NALF1: variants seen among roughly 807,000 people sequenced by gnomAD.
NALF1 encodes family with sequence similarity 155 member A.
Under a neutral mutation model 48.4 loss-of-function variants are expected in NALF1, and 3 were observed. The ratio of observed to expected loss-of-function variants is 0.06; its 90% CI spans 0.03 to 0.16. The LOEUF (loss-of-function observed/expected upper bound fraction) is 0.16. Among genes scored for constraint, NALF1 ranks in the 10% least tolerant of loss-of-function variants. NALF1 has a pLI of 1.00. For missense variants in NALF1, 526 were observed against 571.5 expected, an observed-to-expected ratio of 0.92 and a Z score of 0.81; for synonymous variants, 262 against 245.7, an observed-to-expected ratio of 1.07 and a Z score of -0.62.
chr13:107,370,164 T>C (rs1218530228), intron 1 of NALF1, among the ~76,000 whole-genome samples: 1 of 152,172 alleles, frequency 6.6e-6, no homozygotes, highest in Non-Finnish European at 1.5e-5. Flanking sequence ...TTTCATATTC[T>C]GCATTCCAAA....
At chr13:107,372,930 T>A (rs886295902) in intron 1 of NALF1, among the ~76,000 whole-genome samples, 3 of 150,894 alleles carry the variant, frequency 2.0e-5, no homozygotes, top group Admixed American at 6.7e-5. Flanking sequence ...CAAATACAAC[T>A]GAATCGGACC....
intron 1 of NALF1, among the ~76,000 whole-genome samples, chr13:107,276,928 T>C (rs1881293086): frequency 6.6e-6 from 1 of 152,152 alleles, no homozygotes; most frequent in Admixed American, 6.5e-5. Context: ...AAGTCTATTT[T>C]CATTAAAAAC....
intron 1 of NALF1, among the ~76,000 whole-genome samples, chr13:107,303,820 T>A (rs1298951267): frequency 6.6e-6 from 1 of 151,554 alleles, no homozygotes; most frequent in Non-Finnish European, 1.5e-5. Context: ...GCAGACTGAG[T>A]TTTTTTTTCT....
At chr13:107,663,251 AG>A (rs1391697587) in intron 1 of NALF1, among the ~76,000 whole-genome samples, 1 of 152,230 alleles carries the variant, frequency 6.6e-6, no homozygotes, top group African/African-American at 2.4e-5. Context: ...TTTTCATAAC[AG>A]CACATAAAAT....
chr13:107,482,317 CT>C (rs1885266415), intron 1 of NALF1, among the ~76,000 whole-genome samples: 1 of 152,062 alleles, frequency 6.6e-6, no homozygotes, highest in South Asian at 2.1e-4. Flanking sequence ...TGAGCCAATT[CT>C]TTACAACAAA....
intron 1 of NALF1, among the ~76,000 whole-genome samples, chr13:107,284,370 C>G (rs571437018): frequency 5.3e-5 from 8 of 151,952 alleles, no homozygotes; most frequent in Non-Finnish European, 1.2e-4. Context: ...CAAAACAAAA[C>G]AAATTGACAG....
At chr13:107,520,817 C>T (rs1358596507) in intron 1 of NALF1, among the ~76,000 whole-genome samples, 2 of 152,204 alleles carry the variant, frequency 1.3e-5, no homozygotes, top group Admixed American at 1.3e-4. Flanking sequence ...TATTTTTCAA[C>T]ACATGGGGTA....
chr13:107,351,956 T>C (rs1882884663), intron 1 of NALF1, among the ~76,000 whole-genome samples: 1 of 152,158 alleles, frequency 6.6e-6, no homozygotes, highest in South Asian at 2.1e-4. Flanking sequence ...GCTAAACACA[T>C]TGGCTAAGTA....
At position 107,688,999 on chromosome 13, in the gene NALF1, C is replaced by T. The variant is rs143873835; in HGVS notation, c.915+176683G>A. 5.8e-4 allele frequency among the ~76,000 whole-genome samples: 89 copies of T among 152,298 alleles called. No homozygotes were observed. The East Asian group carries it at 0.014, about 24-fold the overall frequency. Reference sequence around the variant, plus strand: ...AAATGGTGTCGAAGGACAAATGGCACGGAACAAAGAGACCCAGCTCCAGGA... The same window carrying T: ...AAATGGTGTCGAAGGACAAATGGCATGGAACAAAGAGACCCAGCTCCAGGA... On this transcript the variant is annotated intron_variant, in intron 1 of 2. Coordinates refer to ENST00000375915, the MANE Select transcript of NALF1 (RefSeq NM_001080396.3).
At chr13:107,221,227 T>G (rs12866184) in intron 1 of NALF1, among the ~76,000 whole-genome samples, 53,378 of 151,912 alleles carry the variant, frequency 0.35, 10,359 homozygotes, top group East Asian at 0.58. Flanking sequence ...GACTTCACCA[T>G]TATACAACTC....
intron 1 of NALF1, among the ~76,000 whole-genome samples, chr13:107,417,110 G>C (rs989806204): frequency 2.0e-5 from 3 of 152,192 alleles, no homozygotes; most frequent in African/African-American, 7.2e-5. Context: ...GTGGATCTGG[G>C]ACACAATGCA....
At chr13:107,366,527 C>T (rs773884292) in intron 1 of NALF1, among the ~76,000 whole-genome samples, 16 of 152,168 alleles carry the variant, frequency 1.1e-4, no homozygotes, top group Non-Finnish European at 2.2e-4. Flanking sequence ...GCAAGAGCTT[C>T]TTATGATAGC....
Position 107,166,092 on chromosome 13 carries a change from C to G in NALF1, c.*4405G>C, listed in dbSNP as rs1251049279. 2 of 151,742 alleles carry G rather than the reference C, an allele frequency of 1.3e-5. No individual in the cohort carries two copies. The highest frequency in any genetic ancestry group is 4.8e-5 in the African/African-American group (2 of 41,262). 9.4% of individuals were successfully genotyped at this position (151,742 alleles called of 1,614,324 possible). ...TAAAGATATGCCATAGTATATAACC[C>G]TAACGCCTCATATATGCATATGCAC... On this transcript the variant is annotated 3_prime_UTR_variant, in exon 3 of 3. Coordinates refer to ENST00000375915, the MANE Select transcript of NALF1 (RefSeq NM_001080396.3).
At chr13:107,402,236 A>G (rs1883822012) in intron 1 of NALF1, among the ~76,000 whole-genome samples, 1 of 151,214 alleles carries the variant, frequency 6.6e-6, no homozygotes, top group African/African-American at 2.5e-5. Flanking sequence ...AGAGGTCCGC[A>G]TATTCAGGAT....
chr13:107,322,063 C>T (rs1047484847), intron 1 of NALF1, among the ~76,000 whole-genome samples: 2 of 152,022 alleles, frequency 1.3e-5, no homozygotes, highest in Admixed American at 6.6e-5. Flanking sequence ...CTTGTATTTG[C>T]GAAGATTTTA....
At chr13:107,768,727 C>G (rs1276554183) in intron 1 of NALF1, among the ~76,000 whole-genome samples, 1 of 152,104 alleles carries the variant, frequency 6.6e-6, no homozygotes, top group African/African-American at 2.4e-5. Flanking sequence ...ACAGCAATTT[C>G]TTCAGAGTTT....
At chr13:107,213,634 T>G (rs4771557) in intron 1 of NALF1, among the ~76,000 whole-genome samples, 124,559 of 152,168 alleles carry the variant, frequency 0.82, 51,051 homozygotes, top group African/African-American at 0.83. Flanking sequence ...ATAACTAAAG[T>G]CTTTATCTTC....
At chr13:107,240,960 A>G (rs1331415059) in intron 1 of NALF1, among the ~76,000 whole-genome samples, 1 of 148,678 alleles carries the variant, frequency 6.7e-6, no homozygotes. Context: ...AAAAGAACTG[A>G]TATTTCACTT....
At chr13:107,729,336 G>A (rs572011280) in intron 1 of NALF1, among the ~76,000 whole-genome samples, 2 of 151,998 alleles carry the variant, frequency 1.3e-5, no homozygotes, top group Non-Finnish European at 2.9e-5. Flanking sequence ...CCTATTAAAA[G>A]TCTCCTTTTC....
Sources: allele counts gnomAD v4.1 joint callset (sites outside exome capture counted in the v4.1 genomes callset), GRCh38; gene constraint gnomAD v4.1.1; transcripts MANE v1.5; gene names NCBI Gene and HGNC (gene_info 2026-07-23, HGNC 2026-07-21).